DDX50: variants seen among roughly 807,000 people sequenced by gnomAD.
DDX50 encodes ATP-dependent RNA helicase DDX50.
A neutral mutation model predicts 94.8 loss-of-function variants in DDX50; 56 were observed. The observed-to-expected ratio is 0.59, with a 90% CI of 0.48 to 0.74. The LOEUF is 0.74. DDX50 is among the 30% of genes least tolerant of loss of function. The probability of loss-of-function intolerance (pLI) is 0.00; values close to 1 mark genes in which losing one functional copy is unlikely to be tolerated. For synonymous variants in DDX50, 264 were observed against 295.4 expected (o/e 0.89, Z 1.09); for missense variants, 713 against 881.2 (o/e 0.81, Z 2.42).
chr10:68,922,331 A>G (rs1049238007), intron 8 of DDX50, among the ~76,000 whole-genome samples: 1 of 151,986 alleles, frequency 6.6e-6, no homozygotes, highest in Non-Finnish European at 1.5e-5. Flanking sequence ...CATGCCTCAA[A>G]ATTTCGCATT....
chr10:68,910,552 G>T (rs1564601662), intron 3 of DDX50, among the ~76,000 whole-genome samples, 170 bp downstream of exon 3: 1 of 152,142 alleles, frequency 6.6e-6, no homozygotes, highest in Non-Finnish European at 1.5e-5. Context: ...ATAGGCGTGT[G>T]CCACCATGCC....
rs75858108 is a variant in DDX50, at chr10:68,917,622, T to C, written c.1090-2210T>C. 8.6e-3 allele frequency among the ~76,000 whole-genome samples: 1,310 copies of C among 152,304 alleles called. 19 individuals are homozygous for C. Among genetic ancestry groups the C allele is most frequent in the African/African-American group, 0.03 (1,242 of 41,570 alleles). ...TCGTGTTGTGTTTTTGTTTTTGTTT[T>C]GAGAGTCTTGCTCTGTCGCCCCGGC... On this transcript the variant is annotated intron_variant, in intron 7 of 14. Transcript: ENST00000373585.
intron 12 of DDX50, among the ~76,000 whole-genome samples, chr10:68,938,777 A>G (rs1002215494): frequency 6.6e-6 from 1 of 152,168 alleles, no homozygotes; most frequent in Non-Finnish European, 1.5e-5. Flanking sequence ...ACCTATTTGT[A>G]TGTATGTTTT....
intron 8 of DDX50, among the ~76,000 whole-genome samples, chr10:68,929,288 CCTTCCTCTCTCTCTCTCTCTCTCTCTT>C (rs1842174911): frequency 1.3e-5 from 1 of 78,588 alleles, no homozygotes; most frequent in African/African-American, 4.2e-5. Context: ...TTCCTTCCTT[CCTTCCTCTCTCTCTCTCTCTCTCTCTT>C]TCTTTCTCTT....
chr10:68,913,559 A>G lies in DDX50; in HGVS notation c.926A>G (p.His309Arg), dbSNP rs1841698338. ...GFAEQVEDII[H>R]ESYKTDSEDN... ...GCTGAACAAGTTGAAGATATTATTC[A>G]TGAATCCTACAAAACTGGTATATCC... Residue 309 changes from histidine to arginine, a missense_variant, in exon 6 of 15, where the codon CAT (histidine) becomes CGT (arginine). Transcript: ENST00000373585. The G allele has an allele frequency of 1.2e-6, 2 of 1,612,978 alleles. No individual in the cohort carries two copies. The highest frequency in any genetic ancestry group is 2.2e-5 in the South Asian group (2 of 90,696).
chr10:68,946,311 C>G (rs764396054), intron 14 of DDX50, 41 bp from the exon 15 acceptor site: 14 of 1,552,496 alleles, frequency 9.0e-6, no homozygotes, highest in African/African-American at 8.2e-5. Context: ...CTTATGGTTT[C>G]TATTTTGCAT....
At chr10:68,935,660 C>T (rs1352557520) in intron 10 of DDX50, among the ~76,000 whole-genome samples, 1 of 152,018 alleles carries the variant, frequency 6.6e-6, no homozygotes, top group African/African-American at 2.4e-5. Flanking sequence ...CATGGTGAAA[C>T]CCCATCTCTA....
chr10:68,911,318 A>G, intron 4 of DDX50, 72 bp downstream of exon 4: 2 of 1,433,158 alleles, frequency 1.4e-6, no homozygotes, highest in South Asian at 3.4e-5. Flanking sequence ...CACGAGTCCT[A>G]AGTTCTAGTA....
chr10:68,933,638 T>TA (rs550757375), intron 8 of DDX50, among the ~76,000 whole-genome samples: 1,757 of 145,454 alleles, frequency 0.012, 36 homozygotes, highest in African/African-American at 0.04. Flanking sequence ...ATGTGTGTAT[T>TA]AAAAAAAAAA....
intron 8 of DDX50, among the ~76,000 whole-genome samples, chr10:68,925,599 A>C (rs1285046871): frequency 6.6e-6 from 1 of 152,188 alleles, no homozygotes; most frequent in Non-Finnish European, 1.5e-5. Context: ...AATGTCCAGT[A>C]TAGGCCAGGC....
intron 7 of DDX50, among the ~76,000 whole-genome samples, chr10:68,916,612 C>G (rs906104442): frequency 6.6e-6 from 1 of 152,102 alleles, no homozygotes; most frequent in Non-Finnish European, 1.5e-5. Context: ...ATTTTATCTT[C>G]AAGTAATTGT....
In DDX50 at chr10:68,934,094, A is replaced by C; in HGVS notation, c.1240-105A>C. On this transcript the variant is annotated intron_variant, in intron 8 of 14. Coordinates refer to ENST00000373585, the MANE Select transcript of DDX50 (RefSeq NM_024045.2). The surrounding 1 kb of genome is among the most constrained non-coding windows in gnomAD (Gnocchi z 4.0). ...TAAGCATGCATTGTTAAAATCATCA[A>C]AGTAAGATTTAAAAACATGCAAAAG... is the stretch of plus-strand genomic sequence containing the variant. The C allele has an allele frequency of 8.7e-7, 1 of 1,155,930 alleles. No individual in the cohort carries two copies. Among genetic ancestry groups the C allele is most frequent in the Non-Finnish European group, 1.2e-6 (1 of 851,468 alleles). 71.6% of individuals were successfully genotyped at this position (1,155,930 alleles called of 1,614,324 possible).
intron 7 of DDX50, among the ~76,000 whole-genome samples, chr10:68,915,676 A>T (rs180938186): frequency 6.6e-6 from 1 of 151,740 alleles, no homozygotes; most frequent in Admixed American, 6.6e-5. Flanking sequence ...AGATCGTGCC[A>T]CTGCACTCCA....
intron 12 of DDX50, among the ~76,000 whole-genome samples, chr10:68,939,502 CTCTTGCTATCT>C (rs1842505581): frequency 6.6e-6 from 1 of 152,098 alleles, no homozygotes; most frequent in African/African-American, 2.4e-5. Context: ...TAGGCTTTTC[CTCTTGCTATCT>C]TCTTGACGTC....
chr10:68,909,160 A>G (rs1049701597), intron 2 of DDX50, among the ~76,000 whole-genome samples: 1 of 152,144 alleles, frequency 6.6e-6, no homozygotes, highest in Non-Finnish European at 1.5e-5. Flanking sequence ...TTTTTATCAT[A>G]AAAAGGTAAC....
intron 12 of DDX50, among the ~76,000 whole-genome samples, chr10:68,939,011 G>A (rs537374661): frequency 6.6e-6 from 1 of 152,276 alleles, no homozygotes; most frequent in East Asian, 1.9e-4. Flanking sequence ...TAAACTGAAA[G>A]TAATATCAAA....
At position 68,920,802 on chromosome 10, in the gene DDX50, C is replaced by T. The variant is rs190615150; in HGVS notation, c.1239+821C>T. ...CTCTACTAAAAATATAAAAATTAGC[C>T]GGTGTGGTGGTGGGCGCCTGTAATC... On this transcript the variant is annotated intron_variant, in intron 8 of 14. Transcript: ENST00000373585. Among the ~76,000 whole-genome samples the T allele has an allele frequency of 7.4e-3, 1,118 of 151,294 alleles. 6 individuals carry two copies. The highest frequency in any genetic ancestry group is 8.9e-3 in the Non-Finnish European group (603 of 67,778).
Position 68,946,564 on chromosome 10 carries a change from T to C in DDX50, c.2148T>C (p.Asp716=), listed in dbSNP as rs2132070019. The change falls in exon 15 of 15, where the codon GAT becomes GAC. Residue 716 remains aspartate (D), a synonymous_variant. Transcript: ENST00000373585. The part of the protein sequence containing the change: ...RQGSRSGSRQ[D]GRRRSGNRNR... ...GAAGTCGCTCAGGAAGTCGACAAGA[T>C]GGTAGAAGACGAAGTGGGAATAGAA... 1 of 1,614,194 alleles carries C rather than the reference T, an allele frequency of 6.2e-7. No individual in the cohort carries two copies.
At chr10:68,905,139 C>T (rs960026793) in intron 1 of DDX50, among the ~76,000 whole-genome samples, 1 of 152,162 alleles carries the variant, frequency 6.6e-6, no homozygotes, top group Non-Finnish European at 1.5e-5. Context: ...TGGTCTTGAA[C>T]TCCTGACCTC....
Sources: gnomAD v4.1 joint callset for allele counts (sites outside exome capture counted in the v4.1 genomes callset) on GRCh38, gnomAD v4.1.1 for gene constraint, Gnocchi (gnomAD v3.1) non-coding constraint, MANE v1.5 for transcripts, NCBI Gene and HGNC (gene_info 2026-07-23, HGNC 2026-07-21) for gene names.